PTPRD: variants seen among roughly 807,000 people sequenced by gnomAD.
PTPRD encodes receptor-type tyrosine-protein phosphatase delta.
PTPRD carries 34 observed loss-of-function variants against 214.5 expected under a neutral mutation model. The observed-to-expected ratio is 0.16, with a 90% CI of 0.12 to 0.21. The LOEUF is 0.21. PTPRD is among the 10% of genes least tolerant of loss of function. The probability of loss-of-function intolerance (pLI) is 1.00; values close to 1 mark genes in which losing one functional copy is unlikely to be tolerated. For missense variants in PTPRD, 2,545 were observed against 2,398.7 expected (o/e 1.06, Z -1.27); for synonymous variants, 1,128 against 845.7 (o/e 1.33, Z -5.79).
At chr9:9,615,483 C>A (rs2094804609) in intron 7 of PTPRD, among the ~76,000 whole-genome samples, 2 of 152,284 alleles carry the variant, frequency 1.3e-5, no homozygotes, top group South Asian at 4.1e-4. Context: ...ATTTGTCCTT[C>A]CTTGGATCAA....
At chr9:10,117,357 T>G (rs867237902) in intron 3 of PTPRD, among the ~76,000 whole-genome samples, 1 of 152,120 alleles carries the variant, frequency 6.6e-6, no homozygotes, top group African/African-American at 2.4e-5. Context: ...ATGGACAATG[T>G]ATTAATTTCC....
At chr9:8,485,540 C>G in intron 28 of PTPRD, 1 of 624,820 alleles carries the variant, frequency 1.6e-6, no homozygotes, top group South Asian at 2.1e-5. Context: ...TTGTGTTTTC[C>G]TTACCTGAGG....
intron 9 of PTPRD, among the ~76,000 whole-genome samples, chr9:9,204,264 C>G (rs185836586): frequency 1.3e-5 from 2 of 152,130 alleles, no homozygotes; most frequent in African/African-American, 4.8e-5. Flanking sequence ...GTTTCATTAG[C>G]GAATATGTCT....
At chr9:10,017,583 G>C (rs1009565645) in intron 4 of PTPRD, among the ~76,000 whole-genome samples, 4 of 151,862 alleles carry the variant, frequency 2.6e-5, no homozygotes, top group African/African-American at 9.7e-5. Context: ...TAAATCTTTA[G>C]TTCATTTAGA....
chr9:9,455,057 A>G (rs1033001379), intron 8 of PTPRD, among the ~76,000 whole-genome samples: 1 of 151,630 alleles, frequency 6.6e-6, no homozygotes, highest in Non-Finnish European at 1.5e-5. Context: ...CCTGATAAGA[A>G]TTTTAATGGA....
In PTPRD at chr9:8,398,609, A is replaced by T. The variant is rs187364419; in HGVS notation, c.4210+5928T>A. On this transcript the variant is annotated intron_variant, in intron 36 of 45. Transcript: ENST00000381196. ...TGAGGTCTTAGGAAATGCTTAAGTC[A>T]TCAGGGCAGAGCCCTCATGGGTGGG... is the stretch of plus-strand genomic sequence containing the variant. Among the ~76,000 whole-genome samples the T allele has an allele frequency of 1.3e-4, 20 of 152,328 alleles. No individual in the cohort carries two copies. The South Asian group carries it at 3.7e-3, about 28-fold the overall frequency.
chr9:9,173,125 G>C (rs989056901), intron 10 of PTPRD, among the ~76,000 whole-genome samples: 1 of 151,966 alleles, frequency 6.6e-6, no homozygotes, highest in African/African-American at 2.4e-5. Context: ...TCCCTCCTTA[G>C]GGTCTTTGCA....
chr9:10,433,515 T>G (rs889852541), intron 2 of PTPRD, among the ~76,000 whole-genome samples: 4 of 151,986 alleles, frequency 2.6e-5, no homozygotes, highest in African/African-American at 7.2e-5. Context: ...TACAGCATTA[T>G]TATTCTGATT....
intron 23 of PTPRD, among the ~76,000 whole-genome samples, chr9:8,502,645 A>C (rs1299149311): frequency 6.6e-6 from 1 of 152,106 alleles, no homozygotes; most frequent in Admixed American, 6.5e-5. Flanking sequence ...TATTCATAAT[A>C]AATTGAGTTG....
intron 5 of PTPRD, among the ~76,000 whole-genome samples, chr9:9,862,211 G>GA (rs139742084): frequency 0.014 from 1,896 of 136,298 alleles, 34 homozygotes; most frequent in African/African-American, 0.044. Flanking sequence ...GCCATCATTG[G>GA]AAAAAAAAAA....
intron 5 of PTPRD, among the ~76,000 whole-genome samples, chr9:9,821,083 T>C (rs2050550824): frequency 6.6e-6 from 1 of 152,176 alleles, no homozygotes; most frequent in Non-Finnish European, 1.5e-5. Flanking sequence ...TCCATTTTAA[T>C]GACATTGATT....
intron 7 of PTPRD, among the ~76,000 whole-genome samples, chr9:9,700,570 G>C (rs2097478984): frequency 6.6e-6 from 1 of 152,032 alleles, no homozygotes; most frequent in Admixed American, 6.5e-5. Context: ...AAAGCTGAAA[G>C]TGGTAACAAT....
At position 10,079,537 on chromosome 9, in the gene PTPRD, A is replaced by T. The variant is rs2098197090; in HGVS notation, c.-544-45747T>A. ...TTTTTCACCATGCCACTGCACTGCC[A>T]CATGTTTGAGTGTGGGCATCAAGGA... On this transcript the variant is annotated intron_variant, in intron 3 of 45. Coordinates refer to ENST00000381196, the MANE Select transcript of PTPRD (RefSeq NM_002839.4). 2.6e-5 allele frequency among the ~76,000 whole-genome samples: 4 copies of T among 152,204 alleles called. No homozygotes were observed. The South Asian group carries it at 8.3e-4, about 32-fold the overall frequency.
At chr9:10,470,657 A>ACC (rs1305241194) in intron 2 of PTPRD, among the ~76,000 whole-genome samples, 1 of 151,954 alleles carries the variant, frequency 6.6e-6, no homozygotes, top group Non-Finnish European at 1.5e-5. Flanking sequence ...TTTTGGCTTT[A>ACC]CCCTTTGGTT....
chr9:9,525,471 G>A (rs1235415552), intron 8 of PTPRD, among the ~76,000 whole-genome samples: 1 of 151,900 alleles, frequency 6.6e-6, no homozygotes, highest in African/African-American at 2.4e-5. Flanking sequence ...TGAGTTAGAG[G>A]GATGTTTCAC....
chr9:8,980,450 C>T (rs1184501266), intron 11 of PTPRD, among the ~76,000 whole-genome samples: 5 of 152,004 alleles, frequency 3.3e-5, no homozygotes, highest in African/African-American at 1.2e-4. Context: ...ACTATAGTAA[C>T]ATTTTACTAT....
At chr9:10,146,017 T>C (rs1592329750) in intron 3 of PTPRD, among the ~76,000 whole-genome samples, 1 of 152,022 alleles carries the variant, frequency 6.6e-6, no homozygotes, top group East Asian at 1.9e-4. Context: ...GGATTTATTT[T>C]AACATATTTG....
At chr9:8,522,304 T>G (rs1280373837) in intron 19 of PTPRD, among the ~76,000 whole-genome samples, 2 of 151,494 alleles carry the variant, frequency 1.3e-5, no homozygotes, top group African/African-American at 4.9e-5. Flanking sequence ...GCAGAAGAAA[T>G]AAGGGGGCAA....
intron 2 of PTPRD, among the ~76,000 whole-genome samples, chr9:10,380,930 G>C (rs2097807572): frequency 6.6e-6 from 1 of 151,998 alleles, no homozygotes; most frequent in East Asian, 1.9e-4. Flanking sequence ...ATTGAAAATA[G>C]TTTTTCACAG....
Sources: gnomAD v4.1 joint callset for allele counts (sites outside exome capture counted in the v4.1 genomes callset) on GRCh38, gnomAD v4.1.1 for gene constraint, MANE v1.5 for transcripts, NCBI Gene and HGNC (gene_info 2026-07-23, HGNC 2026-07-21) for gene names.